The following RFX3 variants were observed in gnomAD, a reference collection of about 807,000 sequenced individuals.
RFX3 encodes the protein transcription factor RFX3.
Under a neutral mutation model 98.6 loss-of-function variants are expected in RFX3, and 14 were observed. That is an observed-to-expected ratio of 0.14 (90% CI 0.09 to 0.22). The LOEUF (loss-of-function observed/expected upper bound fraction) is 0.22, where lower values mean the gene tolerates loss of function less well. Ranked by LOEUF, RFX3 falls within the 10% of genes least tolerant of loss-of-function variation. RFX3 has a pLI of 1.00. For missense variants in RFX3, 639 were observed against 926.9 expected (o/e 0.69, Z 4.03); for synonymous variants, 383 against 328.4 (o/e 1.17, Z -1.80).
intron 1 of RFX3, among the ~76,000 whole-genome samples, chr9:3,516,665 A>G (rs1056120038): frequency 6.6e-6 from 1 of 152,220 alleles, no homozygotes; most frequent in African/African-American, 2.4e-5. Flanking sequence ...TGAGATCAAC[A>G]GAAACCTAAA....
chr9:3,239,141 G>A (rs748550949), intron 15 of RFX3, among the ~76,000 whole-genome samples: 40 of 152,012 alleles, frequency 2.6e-4, no homozygotes, highest in Non-Finnish European at 5.4e-4. Context: ...TTCCTTAAAT[G>A]TCTCCCAAAC....
intron 2 of RFX3, among the ~76,000 whole-genome samples, chr9:3,366,817 T>C (rs1837263080): frequency 6.6e-6 from 1 of 151,566 alleles, no homozygotes; most frequent in African/African-American, 2.4e-5. Context: ...ATTGAAATCA[T>C]GCATGCATTT....
chr9:3,397,525 A>G (rs1841015075), intron 1 of RFX3, among the ~76,000 whole-genome samples: 1 of 152,168 alleles, frequency 6.6e-6, no homozygotes. Context: ...TCAGAAACGG[A>G]CCTCTGAAGA....
At chr9:3,254,632 G>A (rs907744629) in intron 14 of RFX3, among the ~76,000 whole-genome samples, 1 of 151,800 alleles carries the variant, frequency 6.6e-6, no homozygotes, top group African/African-American at 2.4e-5. Flanking sequence ...CCACCTCCCA[G>A]GTTCACACCA....
Position 3,374,186 on chromosome 9 carries a change from G to A in RFX3, c.117+21286C>T, listed in dbSNP as rs1000401739. Among the ~76,000 whole-genome samples the A allele has an allele frequency of 2.0e-5, 3 of 152,298 alleles. No homozygotes were observed. In the South Asian group the frequency reaches 6.2e-4, roughly 32 times the overall value. ...AAGAAAAGAGAAAATAAGTGTTGGT[G>A]AGGGTGTGGAGAAATTGGAACCCTT... On this transcript the variant is annotated intron_variant, in intron 2 of 16. Transcript: ENST00000617270.
chr9:3,264,255 A>T (rs1408538896), intron 12 of RFX3, among the ~76,000 whole-genome samples: 2 of 152,186 alleles, frequency 1.3e-5, no homozygotes, highest in East Asian at 3.8e-4. Context: ...GAAATTTGTT[A>T]TGTGCACAAT....
At chr9:3,504,306 CAT>C (rs1437276029) in intron 1 of RFX3, among the ~76,000 whole-genome samples, 1 of 129,856 alleles carries the variant, frequency 7.7e-6, no homozygotes, top group Non-Finnish European at 1.6e-5. Flanking sequence ...TTATATACCA[CAT>C]AGCATATATT....
chr9:3,289,054 T>C, intron 6 of RFX3, among the ~76,000 whole-genome samples: 1 of 152,146 alleles, frequency 6.6e-6, no homozygotes, highest in East Asian at 1.9e-4. Flanking sequence ...GAATGGAATT[T>C]GCAAATTCTT....
At position 3,225,250 on chromosome 9, in the gene RFX3, T is replaced by C. The variant is rs761928837; in HGVS notation, c.2042A>G (p.Asp681Gly). ...DEGSEVESEM[D>G]EELDDSSEPQ... ...CTCTGAAGAGTCATCCAGTTCTTCATCCATTTCACTTTCTACTTCACTGCC... is the reference window on the plus strand; with the variant it reads ...CTCTGAAGAGTCATCCAGTTCTTCACCCATTTCACTTTCTACTTCACTGCC... Residue 681 changes from aspartate to glycine, a missense_variant, in exon 17 of 17, where the codon GAT becomes GGT. Coordinates refer to ENST00000617270, the MANE Select transcript of RFX3 (RefSeq NM_001282116.2). 6.2e-7 allele frequency: 1 copy of C among 1,613,778 alleles called. No individual in the cohort carries two copies. Among genetic ancestry groups the C allele is most frequent in the Non-Finnish European group, 8.5e-7 (1 of 1,179,900 alleles).
chr9:3,394,403 C>A (rs577932754), intron 2 of RFX3, among the ~76,000 whole-genome samples: 1 of 152,248 alleles, frequency 6.6e-6, no homozygotes, highest in South Asian at 2.1e-4. Context: ...GCAGAGCTTG[C>A]GGTGAGCCGA....
intron 7 of RFX3, among the ~76,000 whole-genome samples, chr9:3,283,301 T>G (rs1826150657): frequency 6.6e-6 from 1 of 151,754 alleles, no homozygotes; most frequent in Non-Finnish European, 1.5e-5. Flanking sequence ...TAATAATAAT[T>G]ATCTAACACT....
At chr9:3,362,061 TACTTCATGA>T (rs1445361808) in intron 2 of RFX3, among the ~76,000 whole-genome samples, 5 of 152,240 alleles carry the variant, frequency 3.3e-5, no homozygotes, top group Non-Finnish European at 7.3e-5. Context: ...AGGATGTTTA[TACTTCATGA>T]GCACAGGATC....
intron 15 of RFX3, among the ~76,000 whole-genome samples, chr9:3,233,561 A>G (rs1222066162): frequency 6.6e-6 from 1 of 152,216 alleles, no homozygotes; most frequent in Non-Finnish European, 1.5e-5. Flanking sequence ...AGAGACTGGA[A>G]CAGAAGTAGG....
At chr9:3,232,871 A>C (rs1818658844) in intron 15 of RFX3, among the ~76,000 whole-genome samples, 1 of 152,090 alleles carries the variant, frequency 6.6e-6, no homozygotes, top group African/African-American at 2.4e-5. Flanking sequence ...ACAGACAGAG[A>C]GAAACACCCA....
At chr9:3,443,830 A>G (rs1279384283) in intron 1 of RFX3, among the ~76,000 whole-genome samples, 1 of 152,170 alleles carries the variant, frequency 6.6e-6, no homozygotes, top group African/African-American at 2.4e-5. Context: ...CAACGATGTA[A>G]AAGTATTCCT....
intron 1 of RFX3, among the ~76,000 whole-genome samples, chr9:3,504,972 A>ATATAATATATAATATATC: frequency 1.5e-5 from 1 of 66,268 alleles, no homozygotes; most frequent in Non-Finnish European, 2.3e-5. Context: ...TATAATATAT[A>ATATAATATATAATATATC]TTATATAATA....
intron 2 of RFX3, among the ~76,000 whole-genome samples, chr9:3,380,876 T>A (rs1030454197): frequency 1.3e-5 from 2 of 152,204 alleles, no homozygotes; most frequent in African/African-American, 4.8e-5. Flanking sequence ...ATTTTTATAC[T>A]GAGCTTTAAA....
intron 3 of RFX3, among the ~76,000 whole-genome samples, chr9:3,344,420 G>A (rs1453150674): frequency 6.6e-6 from 1 of 152,210 alleles, no homozygotes; most frequent in African/African-American, 2.4e-5. Context: ...CTTCCCTTGA[G>A]CATTATGTTG....
chr9:3,508,299 C>A (rs901675738), intron 1 of RFX3, among the ~76,000 whole-genome samples: 4 of 151,862 alleles, frequency 2.6e-5, no homozygotes, highest in African/African-American at 9.7e-5. Flanking sequence ...TTAAGGCTTG[C>A]AAGTATTTAG....
Sources: gnomAD v4.1 joint callset for allele counts (sites outside exome capture counted in the v4.1 genomes callset) on GRCh38, gnomAD v4.1.1 for gene constraint, MANE v1.5 for transcripts, NCBI Gene and HGNC (gene_info 2026-07-23, HGNC 2026-07-21) for gene names.